Variants in ALG1 observed in about 807,000 individuals in gnomAD.
ALG1 encodes the protein chitobiosyldiphosphodolichol beta-mannosyltransferase.
Under a neutral mutation model 55.1 loss-of-function variants are expected in ALG1, and 58 were observed. The ratio of observed to expected loss-of-function variants is 1.05; its 90% CI spans 0.85 to 1.31. The LOEUF is 1.31. Among genes scored for constraint, ALG1 ranks in the 50% most tolerant of loss-of-function variants. ALG1 has a pLI of 0.00. For synonymous variants in ALG1, 309 were observed against 247.0 expected (o/e 1.25, Z -2.35); for missense variants, 761 against 598.6 (o/e 1.27, Z -2.83).
intron 10 of ALG1, among the ~76,000 whole-genome samples, chr16:5,082,303 A>ACT (rs1346544766): frequency 1.3e-5 from 2 of 151,740 alleles, no homozygotes; most frequent in East Asian, 3.9e-4. Flanking sequence ...ACAGAATGAG[A>ACT]CTCTGTCTCA....
At chr16:5,079,851 G>A (rs754541594) in intron 9 of ALG1, 44 bp downstream of exon 9, 34 of 1,587,536 alleles carry the variant, frequency 2.1e-5, no homozygotes, top group Non-Finnish European at 2.7e-5. Context: ...GGGGGATGGC[G>A]GAGGGGGAGG....
Position 5,082,583 on chromosome 16 carries a change from TG to T in ALG1, c.1098del (p.His367ThrfsTer11). On this transcript the variant is annotated frameshift_variant, in exon 11 of 13. Coordinates refer to ENST00000262374, the MANE Select transcript of ALG1 (RefSeq NM_019109.5). LOFTEE classifies it high-confidence loss of function. ...GGGTCGGCGGACCTGGGTGTCTGTC[TG>T]CACACGTCCTCCAGTGGCCTGGACC... Reference protein sequence around the residue: ...LLGSADLGVCLHTSSSGLDLP... With the variant: ...LLGSADLGVCXHTSSSGLDLP... 1 of 1,612,056 alleles carries T rather than the reference TG, an allele frequency of 6.2e-7. No individual in the cohort carries two copies. The highest frequency in any genetic ancestry group is 2.2e-5 in the East Asian group (1 of 44,882).
At chr16:5,082,990 G>A (rs1436018589) in intron 11 of ALG1, among the ~76,000 whole-genome samples, 8 of 152,182 alleles carry the variant, frequency 5.3e-5, no homozygotes, top group Admixed American at 5.2e-4. Flanking sequence ...ACTCCACTCG[G>A]GGCTTTTGCT....
intron 4 of ALG1, 44 bp from the exon 5 acceptor site, chr16:5,077,401 G>A (rs759384189): frequency 1.3e-6 from 2 of 1,530,586 alleles, no homozygotes; most frequent in Non-Finnish European, 1.8e-6. Context: ...GGTGGTAGCG[G>A]AGGCCTGTCT....
Position 5,084,841 on chromosome 16 carries a change from G to A in ALG1, c.1355G>A (p.Ser452Asn). ...RESQQLRWDE[S>N]WVQTVLPLVM... ...TCGCAGCAGCTCCGATGGGATGAGAGCTGGGTGCAGACTGTGCTCCCTTTG... is the reference window on the plus strand; with the variant it reads ...TCGCAGCAGCTCCGATGGGATGAGAACTGGGTGCAGACTGTGCTCCCTTTG... Residue 452 changes from serine (S) to asparagine (N), a missense_variant, in exon 13 of 13, where the codon AGC (serine) becomes AAC (asparagine). Transcript: ENST00000262374. 6.3e-7 allele frequency: 1 copy of A among 1,596,484 alleles called. No homozygotes were observed. The highest frequency in any genetic ancestry group is 1.1e-5 in the South Asian group (1 of 90,988).
intron 8 of ALG1, 38 bp from the exon 9 acceptor site, chr16:5,079,710 G>C: frequency 1.2e-6 from 2 of 1,604,620 alleles, no homozygotes; most frequent in Non-Finnish European, 1.7e-6. Context: ...AATTCTATCA[G>C]AAATTCCATG....
chr16:5,083,600 G>A (rs1287094602), intron 11 of ALG1, 82 bp from the exon 12 acceptor site: 10 of 1,595,360 alleles, frequency 6.3e-6, no homozygotes, highest in Non-Finnish European at 8.5e-6. Context: ...AGCATGGGGT[G>A]TGTGGGGGAG....
intron 9 of ALG1, among the ~76,000 whole-genome samples, chr16:5,080,547 A>G (rs34662512): frequency 0.33 from 49,812 of 152,138 alleles, 8,702 homozygotes; most frequent in Middle Eastern, 0.42. Context: ...TCTGGCCTCT[A>G]GGCTCCCAGG....
rs1332478109 is a variant in ALG1 at position 5,073,229 on chromosome 16, G to A, written c.363G>A (p.Arg121=). 4 of 1,614,118 alleles carry A rather than the reference G, an allele frequency of 2.5e-6. No homozygotes were observed. In the Admixed American group the frequency reaches 5.0e-5, roughly 20 times the overall value. Residue 121 remains arginine, a synonymous_variant, in exon 3 of 13, where the codon AGG becomes AGA. Transcript: ENST00000262374. ...ACTTGCTGTGGAAGTTGATGTGGAGGGAGCCAGGTGCCTATATCTTTCTCC... is the reference window on the plus strand; with the variant it reads ...ACTTGCTGTGGAAGTTGATGTGGAGAGAGCCAGGTGCCTATATCTTTCTCC... ...AMYLLWKLMW[R]EPGAYIFLQN...
At position 5,072,046 on chromosome 16, in the gene ALG1, T is replaced by C. The variant is rs2142698850; in HGVS notation, c.197T>C (p.Leu66Pro). ...LAMHGFSVTL[L>P]GFCNSKPHDE... ...ATGCACGGCTTCTCGGTGACCCTCC[T>C]GGGGTTCTGCAGTGAGTGGCCAAGG... Residue 66 changes from leucine to proline, a missense_variant, in exon 1 of 13, where the codon CTG becomes CCG. Physicochemically the swap from Leu to Pro is moderately conservative, Grantham distance 98 (BLOSUM62 -3). Transcript: ENST00000262374. The C allele has an allele frequency of 1.3e-6, 2 of 1,582,110 alleles. No individual in the cohort carries two copies. The highest frequency in any genetic ancestry group is 4.6e-5 in the East Asian group (2 of 43,288).
intron 4 of ALG1, among the ~76,000 whole-genome samples, chr16:5,076,442 AG>A (rs1209021442): frequency 6.6e-6 from 1 of 152,214 alleles, no homozygotes; most frequent in East Asian, 1.9e-4. Flanking sequence ...GCACCTCAGG[AG>A]GGTGTACCTT....
chr16:5,082,350 G>A (rs1957030270), intron 10 of ALG1, among the ~76,000 whole-genome samples: 1 of 152,176 alleles, frequency 6.6e-6, no homozygotes, highest in Admixed American at 6.5e-5. Flanking sequence ...ACCAAATTGT[G>A]GTTACGTATA....
intron 3 of ALG1, among the ~76,000 whole-genome samples, chr16:5,073,754 G>A (rs1056212912): frequency 2.6e-5 from 4 of 152,220 alleles, no homozygotes; most frequent in Admixed American, 6.5e-5. Context: ...CGCTCTTGCC[G>A]CCCAGGCTGG....
Position 5,084,917 on chromosome 16 carries a change from C to A in ALG1, c.*36C>A. 6.3e-7 allele frequency: 1 copy of A among 1,596,416 alleles called. No individual in the cohort carries two copies. The highest frequency in any genetic ancestry group is 8.5e-7 in the Non-Finnish European group (1 of 1,179,746). On this transcript the variant is annotated 3_prime_UTR_variant, in exon 13 of 13. Transcript: ENST00000262374. Reference sequence around the variant, plus strand: ...AGAGGCTAAAACCCCAGGACCCCTGCTGTCCTTCCCGCAGCTTCTTCTTGG... The same window carrying A: ...AGAGGCTAAAACCCCAGGACCCCTGATGTCCTTCCCGCAGCTTCTTCTTGG...
intron 4 of ALG1, 58 bp from the exon 5 acceptor site, chr16:5,077,387 C>G (rs1956932648): frequency 7.0e-7 from 1 of 1,428,680 alleles, no homozygotes; most frequent in Admixed American, 1.7e-5. Context: ...TCGAGTCACG[C>G]TGTGGTGGTA....
intron 5 of ALG1, 113 bp downstream of exon 5, chr16:5,077,647 AG>A: frequency 8.6e-7 from 1 of 1,162,856 alleles, no homozygotes; most frequent in African/African-American, 1.5e-5. Flanking sequence ...TGAAATACTG[AG>A]GGCCTGGGAG....
At chr16:5,083,371 T>C (rs1369857100) in intron 11 of ALG1, among the ~76,000 whole-genome samples, 2 of 152,196 alleles carry the variant, frequency 1.3e-5, no homozygotes, top group Non-Finnish European at 2.9e-5. Flanking sequence ...CCTTTACTTG[T>C]TCCATGGCCA....
At chr16:5,080,061 C>T (rs1006562847) in intron 9 of ALG1, among the ~76,000 whole-genome samples, 8 of 148,024 alleles carry the variant, frequency 5.4e-5, no homozygotes, top group African/African-American at 9.8e-5. Context: ...GTTGTTGTTA[C>T]GTCATTGGTG....
In ALG1 at chr16:5,080,936, C is replaced by T. The variant is rs1423969143; in HGVS notation, c.962-10C>T. 6.3e-7 allele frequency: 1 copy of T among 1,596,234 alleles called. No homozygotes were observed. The highest frequency in any genetic ancestry group is 1.1e-5 in the South Asian group (1 of 90,988). On this transcript the variant is annotated splice_polypyrimidine_tract_variant and intron_variant, in intron 9 of 12. Transcript: ENST00000262374. ...TGGGTCCATGGCAGTGTCTGCTCTTCTCTGTGAAGGCAAAGGGCCTCTGAG... is the reference window on the plus strand; with the variant it reads ...TGGGTCCATGGCAGTGTCTGCTCTTTTCTGTGAAGGCAAAGGGCCTCTGAG...
Sources: gnomAD v4.1 joint callset for allele counts (sites outside exome capture counted in the v4.1 genomes callset) on GRCh38, gnomAD v4.1.1 for gene constraint, MANE v1.5 for transcripts, NCBI Gene and HGNC (gene_info 2026-07-23, HGNC 2026-07-21) for gene names.